Variants in ANO6 observed in about 807,000 individuals in gnomAD.
The protein encoded by ANO6 is anoctamin-6.
ANO6 carries 106 observed loss-of-function variants against 117.5 expected under a neutral mutation model. The observed-to-expected ratio is 0.90, with a 90% confidence interval of 0.77 to 1.06. ANO6 has a LOEUF of 1.06. Among genes scored for constraint, ANO6 ranks in the 50% least tolerant of loss-of-function variants. The pLI is 0.00. For missense variants in ANO6, 955 were observed against 1,121.1 expected (o/e 0.85, Z 2.12); for synonymous variants, 367 against 385.1 (o/e 0.95, Z 0.55).
intron 18 of ANO6, 113 bp downstream of exon 18, chr12:45,421,386 G>A (rs1036738515): frequency 1.8e-6 from 2 of 1,085,524 alleles, no homozygotes; most frequent in Non-Finnish European, 2.7e-6. Flanking sequence ...ATAACTTCAG[G>A]ATCAATCAGG....
At chr12:45,233,787 A>C (rs1295364425) in intron 1 of ANO6, among the ~76,000 whole-genome samples, 2 of 152,128 alleles carry the variant, frequency 1.3e-5, no homozygotes, top group East Asian at 1.9e-4. Flanking sequence ...CTTCCTCCAC[A>C]TGGTCCCTGC....
At chr12:45,272,206 T>C (rs980386349) in intron 1 of ANO6, among the ~76,000 whole-genome samples, 66 of 152,164 alleles carry the variant, frequency 4.3e-4, no homozygotes, top group Non-Finnish European at 7.6e-4. Context: ...CTTTTCTTTT[T>C]TTTTTGCTGC....
intron 2 of ANO6, among the ~76,000 whole-genome samples, chr12:45,306,949 G>A (rs1038239244): frequency 1.3e-5 from 2 of 152,096 alleles, no homozygotes; most frequent in Admixed American, 6.6e-5. Flanking sequence ...TCTGGAGGAA[G>A]AGCATTCCCA....
In ANO6 at chr12:45,378,093, CAGTATTT is replaced by C; in HGVS notation, c.1147_1153del (p.Val383TrpfsTer45). 1.2e-6 allele frequency: 2 copies of C among 1,604,170 alleles called. No individual in the cohort carries two copies. Among genetic ancestry groups the C allele is most frequent in the Non-Finnish European group, 1.7e-6 (2 of 1,175,990 alleles). On this transcript the variant is annotated frameshift_variant, in exon 10 of 20. Transcript: ENST00000320560. LOFTEE classifies it high-confidence loss of function. ...GACAGTTTTGGAACCCTGGTCTTTG[CAGTATTT>C]ATGGGAGTATGGGGTAAGTTTTTTT...
chr12:45,379,489 C>T (rs1412757797), intron 10 of ANO6, among the ~76,000 whole-genome samples: 1 of 152,172 alleles, frequency 6.6e-6, no homozygotes, highest in African/African-American at 2.4e-5. Context: ...GTATTAAGAT[C>T]CTCTGTGCTC....
At chr12:45,222,375 G>A (rs955364862) in intron 1 of ANO6, among the ~76,000 whole-genome samples, 3 of 152,122 alleles carry the variant, frequency 2.0e-5, no homozygotes, top group Non-Finnish European at 2.9e-5. Context: ...TGGCTAGGCT[G>A]GTTTCGAACT....
chr12:45,390,975 G>A (rs1942433934), intron 12 of ANO6, among the ~76,000 whole-genome samples: 2 of 152,010 alleles, frequency 1.3e-5, no homozygotes, highest in Non-Finnish European at 2.9e-5. Context: ...ACAAAAATTA[G>A]CCAGGCAAGG....
intron 2 of ANO6, 113 bp downstream of exon 2, chr12:45,302,206 T>C (rs1458050873): frequency 1.1e-5 from 10 of 924,994 alleles, no homozygotes; most frequent in African/African-American, 1.6e-5. Flanking sequence ...AGATCCTACA[T>C]AGATCTTATT....
chr12:45,317,680 C>G (rs957555537), intron 2 of ANO6, among the ~76,000 whole-genome samples: 1 of 152,062 alleles, frequency 6.6e-6, no homozygotes, highest in Non-Finnish European at 1.5e-5. Context: ...AGTTCTAGAT[C>G]CCTGAGGAAT....
chr12:45,375,813 A>T (rs1593034186), intron 9 of ANO6, among the ~76,000 whole-genome samples: 1 of 150,424 alleles, frequency 6.6e-6, no homozygotes, highest in African/African-American at 2.4e-5. Context: ...TTCATGTCTA[A>T]AACACCAAAA....
chr12:45,257,913 A>G (rs963768758), intron 1 of ANO6, among the ~76,000 whole-genome samples: 3 of 152,226 alleles, frequency 2.0e-5, no homozygotes, highest in African/African-American at 7.2e-5. Flanking sequence ...GGAAAACAAT[A>G]TAGTAATGGG....
chr12:45,260,966 G>T (rs1938010481), intron 1 of ANO6, among the ~76,000 whole-genome samples: 2 of 151,378 alleles, frequency 1.3e-5, no homozygotes, highest in African/African-American at 4.9e-5. Flanking sequence ...TTTTTTGTTT[G>T]TTTGTTTGTT....
chr12:45,364,270 C>T (rs1228935526), intron 8 of ANO6, among the ~76,000 whole-genome samples: 1 of 152,178 alleles, frequency 6.6e-6, no homozygotes, highest in African/African-American at 2.4e-5. Flanking sequence ...GAATGTGATA[C>T]TCCTAGGTTT....
intron 2 of ANO6, among the ~76,000 whole-genome samples, chr12:45,310,859 A>AT (rs1410431622): frequency 6.6e-6 from 1 of 151,970 alleles, no homozygotes; most frequent in East Asian, 2.0e-4. Context: ...CATAGGCTAA[A>AT]TTCCCATAAA....
In ANO6 at chr12:45,367,719, A is replaced by G. The variant is rs750038079; in HGVS notation, c.1030A>G (p.Lys344Glu). The G allele has an allele frequency of 6.2e-7, 1 of 1,613,278 alleles. No homozygotes were observed. Among genetic ancestry groups the G allele is most frequent in the Non-Finnish European group, 8.5e-7 (1 of 1,179,786 alleles). ...KEVCHPDIGG[K>E]IIMCPQCDRL... ...AGTTTGTCATCCTGATATTGGTGGC[A>G]AGATCATAATGTGTCCTCAGTGTGA... The change falls in exon 9 of 20, where the codon AAG (lysine) becomes GAG (glutamate). Residue 344 changes from lysine (K) to glutamate (E), a missense_variant. By Grantham distance (56) the Lys-to-Glu change is moderately conservative. Coordinates refer to ENST00000320560, the MANE Select transcript of ANO6 (RefSeq NM_001025356.3).
rs767822179 is a variant in ANO6 at position 45,357,430 on chromosome 12, C to G, written c.998+6C>G. ...CAAGATAACTGTACATGGAGGTAACCTCTGTTTATTCCTTGTTGCCATGCT... is the reference window on the plus strand; with the variant it reads ...CAAGATAACTGTACATGGAGGTAACGTCTGTTTATTCCTTGTTGCCATGCT... On this transcript the variant is annotated splice_donor_region_variant and intron_variant, in intron 8 of 19. Coordinates refer to ENST00000320560, the MANE Select transcript of ANO6 (RefSeq NM_001025356.3). 6.2e-7 allele frequency: 1 copy of G among 1,613,192 alleles called. No individual in the cohort carries two copies. The highest frequency in any genetic ancestry group is 8.5e-7 in the Non-Finnish European group (1 of 1,179,972).
At chr12:45,385,047 G>A (rs1180019016) in intron 10 of ANO6, among the ~76,000 whole-genome samples, 1 of 152,122 alleles carries the variant, frequency 6.6e-6, no homozygotes, top group African/African-American at 2.4e-5. Flanking sequence ...GGTGGTGGGG[G>A]TCCTCCAGTT....
chr12:45,347,106 T>C lies in ANO6; in HGVS notation c.345+19T>C. On this transcript the variant is annotated intron_variant, in intron 4 of 19. Coordinates refer to ENST00000320560, the MANE Select transcript of ANO6 (RefSeq NM_001025356.3). ...AAGATCAGTAAGTACTGGTCCCTTTTCAGCCCTCGGCTGACCACTGTTCTC... is the reference window on the plus strand; with the variant it reads ...AAGATCAGTAAGTACTGGTCCCTTTCCAGCCCTCGGCTGACCACTGTTCTC... 6.2e-7 allele frequency: 1 copy of C among 1,613,616 alleles called. No individual in the cohort carries two copies. Among genetic ancestry groups the C allele is most frequent in the Non-Finnish European group, 8.5e-7 (1 of 1,179,600 alleles).
intron 15 of ANO6, among the ~76,000 whole-genome samples, chr12:45,406,586 A>C (rs1942940844): frequency 6.6e-6 from 1 of 152,082 alleles, no homozygotes. Flanking sequence ...AAGTATACTT[A>C]TTTATATAAT....
Sources: gnomAD v4.1 joint callset for allele counts (sites outside exome capture counted in the v4.1 genomes callset) on GRCh38, gnomAD v4.1.1 for gene constraint, MANE v1.5 for transcripts, NCBI Gene and HGNC (gene_info 2026-07-23, HGNC 2026-07-21) for gene names.